Variants in EPB41L3 observed in about 807,000 individuals in gnomAD.
EPB41L3 encodes the protein band 4.1-like protein 3.
In EPB41L3, 57 loss-of-function variants were observed where a neutral mutation model predicts 127.1. The ratio of observed to expected loss-of-function variants is 0.45; its 90% confidence interval spans 0.36 to 0.56. EPB41L3 has a LOEUF of 0.56. Among genes scored for constraint, EPB41L3 ranks in the 20% least tolerant of loss-of-function variants. The pLI is 0.00. For missense variants in EPB41L3, 1,273 were observed against 1,372.2 expected (o/e 0.93, Z 1.14); for synonymous variants, 572 against 549.5 (o/e 1.04, Z -0.57).
At chr18:5,464,556 C>G (rs547002428) in intron 3 of EPB41L3, among the ~76,000 whole-genome samples, 1 of 152,274 alleles carries the variant, frequency 6.6e-6, no homozygotes, top group Non-Finnish European at 1.5e-5. Flanking sequence ...AATGAGTGAG[C>G]TGGGTCGCTT....
chr18:5,415,778 G>T, intron 13 of EPB41L3, 40 bp downstream of exon 13: 1 of 1,579,138 alleles, frequency 6.3e-7, no homozygotes, highest in South Asian at 1.1e-5. Flanking sequence ...CTCAAGCACG[G>T]AACACGAAGG....
chr18:5,433,844 G>T, intron 7 of EPB41L3, 59 bp downstream of exon 7: 1 of 1,553,112 alleles, frequency 6.4e-7, no homozygotes, highest in Non-Finnish European at 8.9e-7. Context: ...GAGGTGGGTT[G>T]TGTGCGGGAC....
intron 1 of EPB41L3, among the ~76,000 whole-genome samples, chr18:5,537,282 A>G (rs756234230): frequency 2.6e-5 from 4 of 152,194 alleles, no homozygotes; most frequent in Non-Finnish European, 5.9e-5. Context: ...AATAACTGAG[A>G]TACATTCATT....
At chr18:5,569,021 T>C (rs917266729) in intron 3 of EPB41L3, among the ~76,000 whole-genome samples, 2 of 152,234 alleles carry the variant, frequency 1.3e-5, no homozygotes, top group African/African-American at 4.8e-5. Flanking sequence ...ACAAAATTCC[T>C]CTTGATTACA....
In EPB41L3 at chr18:5,419,776, C is replaced by A; in HGVS notation, c.1441G>T (p.Glu481Ter). Residue 481 changes from glutamate (E) to a stop codon, truncating the protein, a stop_gained, in exon 12 of 23, where the codon GAA becomes TAA. Transcript: ENST00000341928. LOFTEE classifies it high-confidence loss of function. ...TCCCCCTTCCTCCGTTTGTCCTCTT[C>A]CTCGTCCCGCTCCTCCTCAGCCTTC... Reference protein sequence around the residue: ...EKKAEEERDEEEDKRRKGEEV... With the variant: ...EKKAEEERDE The A allele has an allele frequency of 6.2e-7, 1 of 1,614,188 alleles. No homozygotes were observed.
At chr18:5,460,624 G>C (rs2083835200) in intron 3 of EPB41L3, among the ~76,000 whole-genome samples, 1 of 152,198 alleles carries the variant, frequency 6.6e-6, no homozygotes, top group Non-Finnish European at 1.5e-5. Context: ...AGAACAATCA[G>C]TGAGATGTTT....
rs1209909696 is a variant in EPB41L3 at position 5,556,171 on chromosome 18, C to T, written c.-306+56169G>A. Among the ~76,000 whole-genome samples, 5 of 152,168 alleles carry T rather than the reference C, an allele frequency of 3.3e-5. No individual in the cohort carries two copies. In the South Asian group the frequency reaches 1.0e-3, roughly 32 times the overall value. Reference sequence around the variant, plus strand: ...TGGACTGTCATTATTGGAATCAGGACAGTACATAATGGTTAGGTTTCAGCC... The same window carrying T: ...TGGACTGTCATTATTGGAATCAGGATAGTACATAATGGTTAGGTTTCAGCC... On this transcript the variant is annotated intron_variant, in intron 3 of 21. Transcript: ENST00000545076.
In EPB41L3 at chr18:5,397,066, G is replaced by A. The variant is rs2073654222; in HGVS notation, c.2833C>T (p.His945Tyr). The change falls in exon 18 of 23, where the codon CAT becomes TAT. Residue 945 changes from histidine (H) to tyrosine (Y), a missense_variant. Coordinates refer to ENST00000341928, the MANE Select transcript of EPB41L3 (RefSeq NM_012307.5). This position sits in a 1 kb window ranked among gnomAD's most constrained non-coding sequence, Gnocchi z 4.1. ...CATTTACTACTAGTTACCTCAAAATGAGGTTTTTGTTCCAAAGTTTCTGAA... is the reference window on the plus strand; with the variant it reads ...CATTTACTACTAGTTACCTCAAAATAAGGTTTTTGTTCCAAAGTTTCTGAA... ...HISETLEQKPHFESSTVKTET... is the reference protein window; with the variant it reads ...HISETLEQKPYFESSTVKTET... The A allele has an allele frequency of 6.3e-7, 1 of 1,595,840 alleles. No individual in the cohort carries two copies. The highest frequency in any genetic ancestry group is 8.5e-7 in the Non-Finnish European group (1 of 1,172,760).
At chr18:5,506,091 G>A (rs1310092102) in intron 1 of EPB41L3, among the ~76,000 whole-genome samples, 12 of 151,052 alleles carry the variant, frequency 7.9e-5, no homozygotes, top group African/African-American at 9.8e-5. Flanking sequence ...TAGCCATCAC[G>A]CCTTCTCCTC....
At chr18:5,452,381 T>TTC (rs1185081098) in intron 3 of EPB41L3, among the ~76,000 whole-genome samples, 1 of 151,196 alleles carries the variant, frequency 6.6e-6, no homozygotes, top group Non-Finnish European at 1.5e-5. Context: ...TAAAATCCTT[T>TTC]TTTTTTTTTT....
At chr18:5,410,748 T>A in intron 13 of EPB41L3, 129 bp from the exon 14 acceptor site, 1 of 683,022 alleles carries the variant, frequency 1.5e-6, no homozygotes. Flanking sequence ...TGTGTCACAC[T>A]ACCTTCTCAC....
chr18:5,525,689 T>C (rs2093196008), intron 1 of EPB41L3, among the ~76,000 whole-genome samples: 1 of 152,246 alleles, frequency 6.6e-6, no homozygotes. Flanking sequence ...ATAGTTATTA[T>C]GTAATATATG....
chr18:5,544,868 G>T (rs916154795), upstream of EPB41L3, among the ~76,000 whole-genome samples: 3 of 152,158 alleles, frequency 2.0e-5, no homozygotes, highest in African/African-American at 7.2e-5. Context: ...ATTACACATT[G>T]CATGCCTGTA....
intron 2 of EPB41L3, among the ~76,000 whole-genome samples, chr18:5,484,086 CA>C (rs57231548): frequency 1.2e-3 from 21 of 18,260 alleles, no homozygotes; most frequent in Non-Finnish European, 2.2e-3. Flanking sequence ...CAAACAAACT[CA>C]AAAAAAAAAA....
chr18:5,561,419 C>G (rs914079894), intron 3 of EPB41L3, among the ~76,000 whole-genome samples: 1 of 151,574 alleles, frequency 6.6e-6, no homozygotes, highest in Admixed American at 6.6e-5. Flanking sequence ...TCCTAATGGC[C>G]AAGATTGAAG....
chr18:5,620,945 C>T (rs2094853705), intron 1 of EPB41L3, among the ~76,000 whole-genome samples: 1 of 152,088 alleles, frequency 6.6e-6, no homozygotes, highest in South Asian at 2.1e-4. Flanking sequence ...TTCCCCATTG[C>T]CTATTTGATC....
intron 3 of EPB41L3, among the ~76,000 whole-genome samples, chr18:5,595,508 C>CTAG (rs1367166004): frequency 6.6e-6 from 1 of 152,128 alleles, no homozygotes; most frequent in Non-Finnish European, 1.5e-5. Flanking sequence ...GAGGTCTACC[C>CTAG]TAGGGGCCAT....
intron 3 of EPB41L3, among the ~76,000 whole-genome samples, chr18:5,562,448 G>T (rs1239517084): frequency 6.6e-6 from 1 of 152,196 alleles, no homozygotes; most frequent in African/African-American, 2.4e-5. Flanking sequence ...TTAGTCATAT[G>T]ACTTGGTTCC....
intron 1 of EPB41L3, among the ~76,000 whole-genome samples, chr18:5,626,296 C>T (rs1310783000): frequency 6.6e-6 from 1 of 152,202 alleles, no homozygotes; most frequent in African/African-American, 2.4e-5. Flanking sequence ...TCACATACTA[C>T]TGAACTGCAT....
Sources: allele counts gnomAD v4.1 joint callset (sites outside exome capture counted in the v4.1 genomes callset), GRCh38; gene constraint gnomAD v4.1.1; non-coding constraint Gnocchi (gnomAD v3.1); transcripts MANE v1.5; gene names NCBI Gene and HGNC (gene_info 2026-07-23, HGNC 2026-07-21).